FKTN: variants seen among roughly 807,000 people sequenced by gnomAD.
FKTN encodes the protein ribitol-5-phosphate transferase FKTN.
Under a neutral mutation model 58.6 loss-of-function variants are expected in FKTN, and 47 were observed. The observed-to-expected ratio is 0.80, with a 90% CI of 0.63 to 1.02. FKTN has a LOEUF of 1.02. Among genes scored for constraint, FKTN ranks in the 50% least tolerant of loss-of-function variants. The pLI, the probability that FKTN is intolerant of heterozygous loss-of-function variation, is 0.00. For missense variants in FKTN, 516 were observed against 537.3 expected, an observed-to-expected ratio of 0.96 and a Z score of 0.39; for synonymous variants, 178 against 191.9, an observed-to-expected ratio of 0.93 and a Z score of 0.60.
chr9:105,600,913 T>C (rs1225964478), intron 4 of FKTN: 2 of 430,706 alleles, frequency 4.6e-6, no homozygotes, highest in Non-Finnish European at 8.5e-6. Context: ...ATGTTTTTCT[T>C]GTAGCATATT....
Position 105,606,094 on chromosome 9 carries a change from T to G in FKTN, c.647+1602T>G, listed in dbSNP as rs556537939. 3.3e-5 allele frequency among the ~76,000 whole-genome samples: 5 copies of G among 152,182 alleles called. No homozygotes were observed. In the East Asian group the frequency reaches 7.7e-4, roughly 23 times the overall value. On this transcript the variant is annotated intron_variant, in intron 6 of 10. Transcript: ENST00000357998. ...TACTTTTATAAAAAGTTCAAACACA[T>G]GCTAAATTATGTTCATGGATGTATA...
chr9:105,635,638 C>A lies in FKTN; in HGVS notation c.*374C>A. 8.7e-7 allele frequency: 1 copy of A among 1,145,450 alleles called. No individual in the cohort carries two copies. Among genetic ancestry groups the A allele is most frequent in the Non-Finnish European group, 1.1e-6 (1 of 926,456 alleles). The allele number at this position is 1,145,450 out of a possible 1,614,324, so 71.0% of individuals were successfully genotyped here. ...TGAACTGGAAGATGAGCTCACCAGG[C>A]AAAGCTAAGGAAGGATATACTAGTT... On this transcript the variant is annotated 3_prime_UTR_variant, in exon 11 of 11. Coordinates refer to ENST00000357998, the MANE Select transcript of FKTN (RefSeq NM_001079802.2).
intron 10 of FKTN, among the ~76,000 whole-genome samples, chr9:105,632,065 A>T (rs1833523602): frequency 6.6e-6 from 1 of 151,676 alleles, no homozygotes; most frequent in Admixed American, 6.6e-5. Flanking sequence ...TGGCACATAT[A>T]CACCATGGAA....
At chr9:105,579,839 T>C (rs1842523900) in intron 3 of FKTN, among the ~76,000 whole-genome samples, 1 of 151,766 alleles carries the variant, frequency 6.6e-6, no homozygotes, top group Non-Finnish European at 1.5e-5. Context: ...GCTTTATGAA[T>C]CTGGGTGCTC....
Position 105,636,528 on chromosome 9 carries a change from GTTTCCT to G in FKTN, c.*1270_*1275del. 1 of 1,050,800 alleles carries G rather than the reference GTTTCCT, an allele frequency of 9.5e-7. No individual in the cohort carries two copies. The highest frequency in any genetic ancestry group is 1.2e-6 in the Non-Finnish European group (1 of 860,634). 65.1% of individuals were successfully genotyped at this position (1,050,800 alleles called of 1,614,324 possible). A position where few individuals can be genotyped will look rare whatever the true frequency, so the allele number is the denominator to read the frequency against. On this transcript the variant is annotated 3_prime_UTR_variant, in exon 11 of 11. Coordinates refer to ENST00000357998, the MANE Select transcript of FKTN (RefSeq NM_001079802.2). ...GTACCACACACTCTGGAATGCTTTA[GTTTCCT>G]TTTCCCCTCAAGATGTCTGAGTCAG...
chr9:105,578,183 C>G (rs1242243436), intron 3 of FKTN, among the ~76,000 whole-genome samples: 1 of 149,614 alleles, frequency 6.7e-6, no homozygotes, highest in Non-Finnish European at 1.5e-5. Flanking sequence ...CCTAATTGCC[C>G]TGGCCAGAAC....
chr9:105,612,872 G>C (rs1830178842), intron 7 of FKTN, among the ~76,000 whole-genome samples: 1 of 151,996 alleles, frequency 6.6e-6, no homozygotes, highest in African/African-American at 2.4e-5. Flanking sequence ...GGCTGAGGTA[G>C]AAGAATCACT....
At chr9:105,567,274 C>A (rs1839832246) in intron 1 of FKTN, among the ~76,000 whole-genome samples, 1 of 152,144 alleles carries the variant, frequency 6.6e-6, no homozygotes, top group Non-Finnish European at 1.5e-5. Flanking sequence ...TCCTATTCAG[C>A]ATGGTGTTGG....
intron 3 of FKTN, among the ~76,000 whole-genome samples, chr9:105,576,826 C>T (rs1841813856): frequency 1.1e-5 from 1 of 89,698 alleles, no homozygotes; most frequent in South Asian, 3.8e-4. Flanking sequence ...CTCTCCAGCA[C>T]CTGTTGTTTC....
At chr9:105,609,217 G>A (rs142387968) in intron 7 of FKTN, among the ~76,000 whole-genome samples, 1 of 152,238 alleles carries the variant, frequency 6.6e-6, no homozygotes, top group Admixed American at 6.5e-5. Flanking sequence ...AGTCTTAAAT[G>A]TAATGCTTGG....
At chr9:105,621,013 A>G (rs1831844184) in intron 10 of FKTN, among the ~76,000 whole-genome samples, 1 of 152,096 alleles carries the variant, frequency 6.6e-6, no homozygotes, top group Non-Finnish European at 1.5e-5. Flanking sequence ...CTAAGGCTTG[A>G]ATTTTTTCTC....
At chr9:105,579,151 G>C (rs1451759188) in intron 3 of FKTN, among the ~76,000 whole-genome samples, 5 of 151,984 alleles carry the variant, frequency 3.3e-5, no homozygotes, top group Non-Finnish European at 7.4e-5. Flanking sequence ...ATGGTTTTTT[G>C]TGTCTGTATC....
chr9:105,609,966 G>T (rs1829608081), intron 7 of FKTN, among the ~76,000 whole-genome samples: 1 of 151,948 alleles, frequency 6.6e-6, no homozygotes. Context: ...CAATTTATTT[G>T]TTCATATCAA....
intron 10 of FKTN, among the ~76,000 whole-genome samples, chr9:105,631,272 A>G (rs1407778448): frequency 6.6e-6 from 1 of 152,230 alleles, no homozygotes; most frequent in Non-Finnish European, 1.5e-5. Context: ...AATGTGTGCT[A>G]GCCCTGCTTC....
intron 3 of FKTN, among the ~76,000 whole-genome samples, chr9:105,578,244 T>G (rs951307135): frequency 3.5e-4 from 53 of 149,978 alleles, no homozygotes; most frequent in Admixed American, 1.3e-3. Context: ...CCCTGTCTTG[T>G]GCCAGTTTTC....
At chr9:105,563,732 C>T (rs1335250148) in intron 1 of FKTN, among the ~76,000 whole-genome samples, 1 of 152,206 alleles carries the variant, frequency 6.6e-6, no homozygotes, top group Non-Finnish European at 1.5e-5. Flanking sequence ...GGGGGCAGGG[C>T]ATAGCCAAAC....
chr9:105,598,065 ACT>A (rs1257654504), intron 4 of FKTN: 1 of 446,538 alleles, frequency 2.2e-6, no homozygotes, highest in African/African-American at 2.1e-5. Flanking sequence ...AAGTAGCGTG[ACT>A]CTATCCTTTT....
intron 3 of FKTN, among the ~76,000 whole-genome samples, chr9:105,593,878 G>A (rs1333685089): frequency 6.6e-6 from 1 of 152,198 alleles, no homozygotes; most frequent in Non-Finnish European, 1.5e-5. Flanking sequence ...TCAGCAGAGT[G>A]AATTTAAAAT....
chr9:105,620,814 GTA>G (rs1831773513), intron 10 of FKTN, among the ~76,000 whole-genome samples: 1 of 151,314 alleles, frequency 6.6e-6, no homozygotes, highest in Non-Finnish European at 1.5e-5. Context: ...AGTAGTAGTA[GTA>G]GTAGTAAAGA....
Sources: allele counts gnomAD v4.1 joint callset (sites outside exome capture counted in the v4.1 genomes callset), GRCh38; gene constraint gnomAD v4.1.1; transcripts MANE v1.5; gene names NCBI Gene and HGNC (gene_info 2026-07-23, HGNC 2026-07-21).